The following PPP2R5E variants were observed in gnomAD, a reference collection of about 807,000 sequenced individuals.
The protein encoded by PPP2R5E is protein phosphatase 2 regulatory subunit B'epsilon, also known as serine/threonine-protein phosphatase 2A 56 kDa regulatory subunit epsilon isoform.
A neutral mutation model predicts 65.3 loss-of-function variants in PPP2R5E; 4 were observed. The observed-to-expected ratio is 0.06, with a 90% CI of 0.03 to 0.14. PPP2R5E has a LOEUF of 0.14. Among genes scored for constraint, PPP2R5E ranks in the 10% least tolerant of loss-of-function variants. The pLI is 1.00. For synonymous variants in PPP2R5E, 183 were observed against 187.4 expected, an observed-to-expected ratio of 0.98 and a Z score of 0.19; for missense variants, 274 against 556.1, an observed-to-expected ratio of 0.49 and a Z score of 5.10.
At position 63,373,746 on chromosome 14, in the gene PPP2R5E, T is replaced by A. The variant is rs1337502563; in HGVS notation, c.*2263A>T. ...TTCAAATGACTGCATTTCATTCCAATGAGCAGAGATTCTTCATAAACCTGT... is the reference window on the plus strand; with the variant it reads ...TTCAAATGACTGCATTTCATTCCAAAGAGCAGAGATTCTTCATAAACCTGT... On this transcript the variant is annotated 3_prime_UTR_variant, in exon 14 of 14. Coordinates refer to ENST00000337537, the MANE Select transcript of PPP2R5E (RefSeq NM_006246.5). 1 of 152,164 alleles carries A rather than the reference T, an allele frequency of 6.6e-6. No individual in the cohort carries two copies. Among genetic ancestry groups the A allele is most frequent in the Non-Finnish European group, 1.5e-5 (1 of 68,028 alleles). 9.4% of individuals were successfully genotyped at this position (152,164 alleles called of 1,614,324 possible).
rs540854594 is a variant in PPP2R5E, at chr14:63,378,979, C to T, written c.1305-2871G>A. Among the ~76,000 whole-genome samples, 9 of 152,262 alleles carry T rather than the reference C, an allele frequency of 5.9e-5. No individual in the cohort carries two copies. In the South Asian group the frequency reaches 1.9e-3, roughly 32 times the overall value. On this transcript the variant is annotated intron_variant, in intron 13 of 13. Transcript: ENST00000337537. The stretch of plus-strand genomic sequence containing the variant: ...CAATGTTTCCATCTGTCAGTACACC[C>T]TTCTATTGCTCATTTGACAAATTAT...
At chr14:63,454,293 A>G (rs1442684113) in intron 2 of PPP2R5E, among the ~76,000 whole-genome samples, 1 of 152,236 alleles carries the variant, frequency 6.6e-6, no homozygotes, top group African/African-American at 2.4e-5. Flanking sequence ...TCAAAGCAGA[A>G]ATGTCAGTTG....
At chr14:63,420,715 T>C (rs1886961922) in intron 4 of PPP2R5E, among the ~76,000 whole-genome samples, 2 of 152,162 alleles carry the variant, frequency 1.3e-5, no homozygotes, top group African/African-American at 2.4e-5. Flanking sequence ...TTAGAATATC[T>C]CTAGGCCTTC....
In PPP2R5E at chr14:63,373,346, G is replaced by A. The variant is rs1464919941; in HGVS notation, c.*2663C>T. 1 of 152,200 alleles carries A rather than the reference G, an allele frequency of 6.6e-6. No individual in the cohort carries two copies. The highest frequency in any genetic ancestry group is 1.9e-4 in the East Asian group (1 of 5,200). 9.4% of individuals were successfully genotyped at this position (152,200 alleles called of 1,614,324 possible). ...TTTGTCACAATTAACTCAAGTTGCA[G>A]CAACAGCAGAATTGTGGGAAGGGAC... is the stretch of plus-strand genomic sequence containing the variant. On this transcript the variant is annotated 3_prime_UTR_variant, in exon 14 of 14. Coordinates refer to ENST00000337537, the MANE Select transcript of PPP2R5E (RefSeq NM_006246.5).
Position 63,453,567 on chromosome 14 carries a change from C to T in PPP2R5E, c.354+122G>A, listed in dbSNP as rs758970277. The T allele has an allele frequency of 1.0e-5, 9 of 901,168 alleles. No individual in the cohort carries two copies. The African/African-American group carries it at 1.5e-4, about 15-fold the overall frequency. The allele number at this position is 901,168 out of a possible 1,614,324, so 55.8% of individuals were successfully genotyped here. On this transcript the variant is annotated intron_variant, in intron 3 of 13. Coordinates refer to ENST00000337537, the MANE Select transcript of PPP2R5E (RefSeq NM_006246.5). The stretch of plus-strand genomic sequence containing the variant: ...CTGTGCCGACTACATTTGCTTAGCT[C>T]TCCAAAGGTTGGCTCTCATTTGTGG...
At chr14:63,435,643 T>A (rs941302516) in intron 3 of PPP2R5E, among the ~76,000 whole-genome samples, 2 of 152,172 alleles carry the variant, frequency 1.3e-5, no homozygotes, top group Non-Finnish European at 2.9e-5. Context: ...TCTGCTTAAT[T>A]TGCCACACCC....
intron 8 of PPP2R5E, among the ~76,000 whole-genome samples, chr14:63,393,584 C>A (rs1885148405): frequency 6.6e-6 from 1 of 151,898 alleles, no homozygotes; most frequent in Non-Finnish European, 1.5e-5. Context: ...TGGTGGCGTG[C>A]GCTTGTAGTC....
chr14:63,393,540 C>T (rs1370893388), intron 8 of PPP2R5E, among the ~76,000 whole-genome samples: 3 of 151,964 alleles, frequency 2.0e-5, no homozygotes, highest in African/African-American at 4.8e-5. Context: ...GGTAAAACCC[C>T]GTCTCTACTA....
chr14:63,436,161 T>C (rs973946682), intron 3 of PPP2R5E, among the ~76,000 whole-genome samples: 1 of 152,182 alleles, frequency 6.6e-6, no homozygotes, highest in Non-Finnish European at 1.5e-5. Flanking sequence ...GAATTGAGTG[T>C]TTTCTGTAAA....
chr14:63,511,520 T>C (rs1307206454), intron 2 of PPP2R5E, among the ~76,000 whole-genome samples: 1 of 152,194 alleles, frequency 6.6e-6, no homozygotes, highest in African/African-American at 2.4e-5. Flanking sequence ...AATAAATGCC[T>C]GTTGTTTTAA....
intron 2 of PPP2R5E, among the ~76,000 whole-genome samples, chr14:63,488,260 C>T (rs959715759): frequency 1.3e-5 from 2 of 151,840 alleles, no homozygotes; most frequent in Non-Finnish European, 2.9e-5. Context: ...TGCAGTGGCA[C>T]AATCATTGCT....
chr14:63,511,714 A>G (rs1892459071), intron 2 of PPP2R5E, among the ~76,000 whole-genome samples: 1 of 152,224 alleles, frequency 6.6e-6, no homozygotes, highest in African/African-American at 2.4e-5. Flanking sequence ...AGCACAAGTC[A>G]TAAATCACCG....
chr14:63,389,766 C>A (rs1207650337), intron 10 of PPP2R5E, 35 bp from the exon 11 acceptor site: 1 of 1,520,284 alleles, frequency 6.6e-7, no homozygotes, highest in Non-Finnish European at 8.8e-7. Context: ...ATGTGAGGCA[C>A]ATCATGAAAA....
At chr14:63,534,385 C>T (rs1893576279) in intron 2 of PPP2R5E, among the ~76,000 whole-genome samples, 1 of 152,108 alleles carries the variant, frequency 6.6e-6, no homozygotes, top group Non-Finnish European at 1.5e-5. Flanking sequence ...CTGCCTCAGC[C>T]TCCTGAGTAG....
At chr14:63,491,652 A>G (rs1180193539) in intron 2 of PPP2R5E, among the ~76,000 whole-genome samples, 1 of 152,132 alleles carries the variant, frequency 6.6e-6, no homozygotes, top group Admixed American at 6.5e-5. Flanking sequence ...GATCGACACC[A>G]GCCTGGCCAA....
intron 2 of PPP2R5E, among the ~76,000 whole-genome samples, chr14:63,454,821 T>G (rs1475212321): frequency 1.3e-5 from 2 of 152,166 alleles, no homozygotes; most frequent in Non-Finnish European, 2.9e-5. Flanking sequence ...ATAACCAGGG[T>G]AGGCTCTACT....
At chr14:63,435,972 G>A (rs896983000) in intron 3 of PPP2R5E, among the ~76,000 whole-genome samples, 5 of 152,250 alleles carry the variant, frequency 3.3e-5, no homozygotes, top group Non-Finnish European at 2.9e-5. Flanking sequence ...AAAAATAGAC[G>A]TGTAAACATT....
intron 11 of PPP2R5E, among the ~76,000 whole-genome samples, chr14:63,387,972 C>G (rs917451939): frequency 1.3e-5 from 2 of 152,218 alleles, no homozygotes; most frequent in Non-Finnish European, 2.9e-5. Context: ...TCATCCTGAT[C>G]TCAAACTTCT....
At chr14:63,442,342 T>C (rs1888276701) in intron 3 of PPP2R5E, among the ~76,000 whole-genome samples, 1 of 152,180 alleles carries the variant, frequency 6.6e-6, no homozygotes, top group South Asian at 2.1e-4. Flanking sequence ...TTCTCTTCCA[T>C]TATGTATAAT....
Sources: gnomAD v4.1 joint callset for allele counts (sites outside exome capture counted in the v4.1 genomes callset) on GRCh38, gnomAD v4.1.1 for gene constraint, MANE v1.5 for transcripts, NCBI Gene and HGNC (gene_info 2026-07-23, HGNC 2026-07-21) for gene names.